MYO3A: variants seen among roughly 807,000 people sequenced by gnomAD.
MYO3A encodes the protein myosin-IIIa.
In MYO3A, 180 loss-of-function variants were observed where a neutral mutation model predicts 192.7. That is an observed-to-expected ratio of 0.93 (90% CI 0.83 to 1.06). The LOEUF (loss-of-function observed/expected upper bound fraction) is 1.06. MYO3A is among the 50% of genes least tolerant of loss of function. The pLI is 0.00. For missense variants in MYO3A, 1,896 were observed against 1,905.0 expected (o/e 1.00, Z 0.09); for synonymous variants, 628 against 645.3 (o/e 0.97, Z 0.41).
intron 26 of MYO3A, among the ~76,000 whole-genome samples, chr10:26,158,444 T>C (rs1351181727): frequency 2.0e-5 from 3 of 151,666 alleles, no homozygotes; most frequent in Non-Finnish European, 2.9e-5. Flanking sequence ...TTAGTAGAGA[T>C]GGGGGTTTCA....
At chr10:26,057,463 C>A (rs1434948064) in intron 10 of MYO3A, among the ~76,000 whole-genome samples, 2 of 152,082 alleles carry the variant, frequency 1.3e-5, no homozygotes, top group African/African-American at 4.8e-5. Flanking sequence ...AAATATACTA[C>A]CATTTTGAGA....
At chr10:26,147,366 T>C in intron 22 of MYO3A, 64 bp from the exon 23 acceptor site, 9 of 1,472,222 alleles carry the variant, frequency 6.1e-6, no homozygotes, top group Non-Finnish European at 8.5e-6. Context: ...ATGATGATGA[T>C]GGTGAGGAGG....
intron 14 of MYO3A, among the ~76,000 whole-genome samples, chr10:26,086,735 A>T (rs966970865): frequency 4.6e-5 from 7 of 152,108 alleles, no homozygotes; most frequent in Admixed American, 3.3e-4. Flanking sequence ...AAAGGTTTTA[A>T]CAACAGTGAG....
chr10:26,100,950 T>A (rs1387445205), intron 17 of MYO3A, among the ~76,000 whole-genome samples: 2 of 152,192 alleles, frequency 1.3e-5, no homozygotes, highest in Non-Finnish European at 2.9e-5. Context: ...CTGGATATCC[T>A]TTTTAACTTT....
chr10:26,016,932 C>T lies in MYO3A; in HGVS notation c.585+36C>T, dbSNP rs758339912. ...GTTTTGAGGCAGACAAACGTAATAG[C>T]TGATCCTGTTTGACTTTCCTTTTTA... On this transcript the variant is annotated intron_variant, in intron 7 of 34. Coordinates refer to ENST00000642920, the MANE Select transcript of MYO3A (RefSeq NM_017433.5). 6.3e-6 allele frequency: 10 copies of T among 1,581,432 alleles called. 1 individual carries two copies. The South Asian group carries it at 1.1e-4, about 17-fold the overall frequency.
intron 18 of MYO3A, among the ~76,000 whole-genome samples, chr10:26,121,435 G>C (rs1054467061): frequency 1.3e-5 from 2 of 151,728 alleles, no homozygotes; most frequent in Admixed American, 1.3e-4. Context: ...TTGCATATTT[G>C]CTGTTTCATT....
chr10:26,045,716 G>A (rs1330328384), intron 10 of MYO3A, among the ~76,000 whole-genome samples: 2 of 152,072 alleles, frequency 1.3e-5, no homozygotes, highest in East Asian at 3.9e-4. Context: ...TGCTCCCCAA[G>A]CAGGCCACAG....
chr10:26,150,042 G>A (rs946313686), intron 23 of MYO3A, among the ~76,000 whole-genome samples: 1 of 151,914 alleles, frequency 6.6e-6, no homozygotes, highest in East Asian at 1.9e-4. Flanking sequence ...GTGTGTGTGT[G>A]TGTGTGTGTG....
intron 31 of MYO3A, among the ~76,000 whole-genome samples, chr10:26,185,665 GTGTTT>G (rs1256903744): frequency 2.6e-5 from 4 of 152,016 alleles, no homozygotes; most frequent in African/African-American, 9.7e-5. Context: ...ATTTAATGTA[GTGTTT>G]TGTTTTCTTT....
rs1487673105 is a variant in MYO3A, at chr10:26,026,392, T to C, written c.813T>C (p.Asp271=). 6.2e-6 allele frequency: 10 copies of C among 1,614,148 alleles called. No homozygotes were observed. Among genetic ancestry groups the C allele is most frequent in the Non-Finnish European group, 7.6e-6 (9 of 1,179,994 alleles). Residue 271 remains aspartate, a synonymous_variant, in exon 10 of 35, where the codon GAT becomes GAC. Transcript: ENST00000642920. ...NDFISKCLTK[D]YEKRPTVSEL... is the part of the protein sequence containing the mutation. ...GCCAGTGCAGGTGCTTGACTAAAGATTATGAAAAGCGTCCAACAGTGTCAG... is the reference window on the plus strand; with the variant it reads ...GCCAGTGCAGGTGCTTGACTAAAGACTATGAAAAGCGTCCAACAGTGTCAG...
At chr10:26,023,215 A>G (rs934535919) in intron 8 of MYO3A, 2 of 152,242 alleles carry the variant, frequency 1.3e-5, no homozygotes, top group Non-Finnish European at 2.9e-5. Flanking sequence ...TACAAACTGT[A>G]CATTAATTTC....
At chr10:25,973,106 A>T (rs1423575597) in intron 4 of MYO3A, among the ~76,000 whole-genome samples, 1 of 152,190 alleles carries the variant, frequency 6.6e-6, no homozygotes, top group Non-Finnish European at 1.5e-5. Flanking sequence ...GATTCTTTCC[A>T]TCCATGTGGA....
chr10:26,182,426 G>C (rs1287778483), intron 31 of MYO3A, among the ~76,000 whole-genome samples: 1 of 152,126 alleles, frequency 6.6e-6, no homozygotes, highest in Non-Finnish European at 1.5e-5. Flanking sequence ...GTATATTTCA[G>C]CTCATCTTGA....
Position 26,125,491 on chromosome 10 carries a change from A to G in MYO3A, c.1997A>G (p.Asn666Ser). The change falls in exon 19 of 35, where the codon AAT becomes AGT. Residue 666 changes from asparagine to serine, a missense_variant. Transcript: ENST00000642920. ...VTRGETIIRP[N>S]TVEKATDVRD... Reference sequence around the variant, plus strand: ...AGAGGAGAAACAATTATACGACCCAATACTGTAGAAAAAGCTACCGATGTC... The same window carrying G: ...AGAGGAGAAACAATTATACGACCCAGTACTGTAGAAAAAGCTACCGATGTC... The G allele has an allele frequency of 1.2e-6, 2 of 1,614,078 alleles. No individual in the cohort carries two copies. Among genetic ancestry groups the G allele is most frequent in the Non-Finnish European group, 8.5e-7 (1 of 1,179,932 alleles).
rs188959433 is a variant in MYO3A, at chr10:26,189,762, G to C, written c.4439-3443G>C. Among the ~76,000 whole-genome samples, 32 of 152,222 alleles carry C rather than the reference G, an allele frequency of 2.1e-4. 1 individual carries two copies. The highest frequency in any genetic ancestry group is 7.5e-4 in the African/African-American group (31 of 41,558). On this transcript the variant is annotated intron_variant, in intron 31 of 34. Coordinates refer to ENST00000642920, the MANE Select transcript of MYO3A (RefSeq NM_017433.5). ...AACTTGAAATTTCACAATTAAAGTGGTATTTAAGAAAGGAAAATCTGGGCC... is the reference window on the plus strand; with the variant it reads ...AACTTGAAATTTCACAATTAAAGTGCTATTTAAGAAAGGAAAATCTGGGCC...
At chr10:26,176,301 A>G (rs1258103453) in intron 30 of MYO3A, among the ~76,000 whole-genome samples, 1 of 152,124 alleles carries the variant, frequency 6.6e-6, no homozygotes, top group Non-Finnish European at 1.5e-5. Flanking sequence ...CTCAAAAAAA[A>G]AAAAAAAGAC....
chr10:26,160,461 A>G (rs917282014), intron 26 of MYO3A, among the ~76,000 whole-genome samples: 16 of 152,156 alleles, frequency 1.1e-4, no homozygotes, highest in African/African-American at 3.4e-4. Context: ...TGGGCAATGT[A>G]GCAAGACCCC....
chr10:25,988,321 C>A (rs183121630), intron 4 of MYO3A, among the ~76,000 whole-genome samples: 5 of 152,074 alleles, frequency 3.3e-5, no homozygotes, highest in African/African-American at 9.6e-5. Context: ...AGAACTTATT[C>A]TTGTGACCAA....
intron 6 of MYO3A, among the ~76,000 whole-genome samples, chr10:26,014,289 T>C (rs1458460189): frequency 6.6e-6 from 1 of 151,742 alleles, no homozygotes; most frequent in Non-Finnish European, 1.5e-5. Flanking sequence ...AAAAAATAAA[T>C]AAAAACTATT....
Sources: allele counts gnomAD v4.1 joint callset (sites outside exome capture counted in the v4.1 genomes callset), GRCh38; gene constraint gnomAD v4.1.1; transcripts MANE v1.5; gene names NCBI Gene and HGNC (gene_info 2026-07-23, HGNC 2026-07-21).